PAG1: variants seen among roughly 807,000 people sequenced by gnomAD.
PAG1 encodes the protein phosphoprotein membrane anchor with glycosphingolipid microdomains 1.
A neutral mutation model predicts 31.7 loss-of-function variants in PAG1; 23 were observed. The observed-to-expected ratio is 0.73, with a 90% CI of 0.52 to 1.03. PAG1 has a LOEUF of 1.03. Ranked by LOEUF, PAG1 falls within the 50% of genes least tolerant of loss-of-function variation. The probability of loss-of-function intolerance (pLI) is 0.00; values close to 1 mark genes in which losing one functional copy is unlikely to be tolerated. For missense variants in PAG1, 473 were observed against 540.7 expected (o/e 0.87, Z 1.24); for synonymous variants, 214 against 210.3 (o/e 1.02, Z -0.15).
chr8:81,041,394 T>G (rs1808551663), intron 2 of PAG1, among the ~76,000 whole-genome samples: 1 of 152,184 alleles, frequency 6.6e-6, no homozygotes, highest in South Asian at 2.1e-4. Flanking sequence ...CTTCATGTTA[T>G]TTGAAAGAGA....
intron 2 of PAG1, among the ~76,000 whole-genome samples, chr8:81,039,719 C>T (rs917916604): frequency 6.6e-6 from 1 of 152,150 alleles, no homozygotes; most frequent in Admixed American, 6.5e-5. Context: ...ACTTTACATA[C>T]CTCATATCAA....
Position 80,968,076 on chromosome 8 carries a change from C to T in PAG1, c.*8468G>A, listed in dbSNP as rs1291203001. On this transcript the variant is annotated 3_prime_UTR_variant, in exon 9 of 9. Transcript: ENST00000220597. The stretch of plus-strand genomic sequence containing the variant: ...CCATTACTGGTTGAATGATCAAGAT[C>T]TGGCCACAGAAGAGAAGTGGAAATA... 1 of 152,166 alleles carries T rather than the reference C, an allele frequency of 6.6e-6. No individual in the cohort carries two copies. The highest frequency in any genetic ancestry group is 1.5e-5 in the Non-Finnish European group (1 of 68,024). 9.4% of individuals were successfully genotyped at this position (152,166 alleles called of 1,614,324 possible). A position where few individuals can be genotyped will look rare whatever the true frequency, so the allele number is the denominator to read the frequency against.
At position 81,077,404 on chromosome 8, in the gene PAG1, C is replaced by T. The variant is rs369134676; in HGVS notation, c.-233-7234G>A. 5.9e-5 allele frequency among the ~76,000 whole-genome samples: 9 copies of T among 152,322 alleles called. 2 individuals carry two copies. The highest frequency in any genetic ancestry group is 3.3e-4 in the Admixed American group (5 of 15,298). On this transcript the variant is annotated intron_variant, in intron 1 of 8. Transcript: ENST00000220597. ...CAGGAGTACTCCTCCTTGCATTTCT[C>T]TTCTGTGGGCCTACAGGAACAAAAC...
rs1808295308 is a variant in PAG1, at chr8:81,027,136, A to G, written c.-81+2860T>C. Reference sequence around the variant, plus strand: ...AGAGATCCTCCCACTTCAGCCTCCCAGGTAGCTGGGACTACAGGCATGCAC... The same window carrying G: ...AGAGATCCTCCCACTTCAGCCTCCCGGGTAGCTGGGACTACAGGCATGCAC... On this transcript the variant is annotated intron_variant, in intron 3 of 8. Transcript: ENST00000220597. 2.6e-5 allele frequency among the ~76,000 whole-genome samples: 4 copies of G among 151,934 alleles called. No individual in the cohort carries two copies. The South Asian group carries it at 8.3e-4, about 32-fold the overall frequency.
chr8:81,068,112 G>A (rs1329573672), intron 2 of PAG1, among the ~76,000 whole-genome samples: 1 of 152,162 alleles, frequency 6.6e-6, no homozygotes, highest in Non-Finnish European at 1.5e-5. Flanking sequence ...GGCCAGGCTG[G>A]TCTCGAACTC....
rs1003428871 is a variant in PAG1 at position 80,990,349 on chromosome 8, C to T, written c.177+1130G>A. 1.3e-5 allele frequency among the ~76,000 whole-genome samples: 2 copies of T among 152,102 alleles called. No homozygotes were observed. Among genetic ancestry groups the T allele is most frequent in the Non-Finnish European group, 2.9e-5 (2 of 67,996 alleles). On this transcript the variant is annotated intron_variant, in intron 5 of 8. Transcript: ENST00000220597. This position sits in a 1 kb window ranked among gnomAD's most constrained non-coding sequence, Gnocchi z 5.1. ...CAGGAAGCCTAGACTGGAGATGCCC[C>T]TGGTCATCTCTGCAAACGTCTGCTG...
rs79832265 is a variant in PAG1 at position 80,992,959 on chromosome 8, A to G, written c.125+144T>C. On this transcript the variant is annotated intron_variant, in intron 4 of 8. Coordinates refer to ENST00000220597, the MANE Select transcript of PAG1 (RefSeq NM_018440.4). Reference sequence around the variant, plus strand: ...AATGTCCCGAGACGCTCTGCAGCAGAGAGAAGAGAGTTAAAGCTAATGCAC... The same window carrying G: ...AATGTCCCGAGACGCTCTGCAGCAGGGAGAAGAGAGTTAAAGCTAATGCAC... The G allele has an allele frequency of 3.7e-3, 2,307 of 624,644 alleles. 50 individuals are homozygous for G. The African/African-American group carries it at 0.039, about 11-fold the overall frequency. 38.7% of individuals were successfully genotyped at this position (624,644 alleles called of 1,614,324 possible).
chr8:81,011,833 TC>T (rs1807989866), intron 3 of PAG1, among the ~76,000 whole-genome samples: 2 of 152,250 alleles, frequency 1.3e-5, no homozygotes. Context: ...TTTGCTGACC[TC>T]TGGCTGGCTC....
rs538495307 is a variant in PAG1 at position 80,990,860 on chromosome 8, C to T, written c.177+619G>A. Reference sequence around the variant, plus strand: ...CCCCCAGCACCTGAGAATATGGTCTCATTTGGAAATAGGGTCATTGCAGAC... The same window carrying T: ...CCCCCAGCACCTGAGAATATGGTCTTATTTGGAAATAGGGTCATTGCAGAC... On this transcript the variant is annotated intron_variant, in intron 5 of 8. Transcript: ENST00000220597. The surrounding 1 kb of genome is among the most constrained non-coding windows in gnomAD (Gnocchi z 5.1). Among the ~76,000 whole-genome samples, 39 of 152,298 alleles carry T rather than the reference C, an allele frequency of 2.6e-4. No individual in the cohort carries two copies. Among genetic ancestry groups the T allele is most frequent in the African/African-American group, 8.9e-4 (37 of 41,562 alleles).
intron 3 of PAG1, among the ~76,000 whole-genome samples, chr8:81,024,875 C>A (rs1034042540): frequency 3.3e-5 from 5 of 152,150 alleles, no homozygotes; most frequent in African/African-American, 1.2e-4. Context: ...ACCTTACATT[C>A]TCTGTGCCTC....
chr8:81,025,805 GA>G (rs1291300140), intron 3 of PAG1, among the ~76,000 whole-genome samples: 3 of 152,200 alleles, frequency 2.0e-5, no homozygotes, highest in Non-Finnish European at 2.9e-5. Flanking sequence ...GAAGGACAGG[GA>G]TGACAAATTC....
chr8:81,099,250 T>C (rs906523745), intron 1 of PAG1, among the ~76,000 whole-genome samples: 4 of 152,222 alleles, frequency 2.6e-5, no homozygotes, highest in African/African-American at 9.6e-5. Context: ...CAAACAGGCA[T>C]GTTCTCCAGA....
chr8:81,005,376 A>G (rs1229061734), intron 3 of PAG1, among the ~76,000 whole-genome samples: 2 of 152,200 alleles, frequency 1.3e-5, no homozygotes, highest in Non-Finnish European at 2.9e-5. Flanking sequence ...TAGGGAAGTT[A>G]AAATTAAGTC....
intron 1 of PAG1, among the ~76,000 whole-genome samples, chr8:81,092,179 C>T (rs1809457191): frequency 1.1e-5 from 1 of 91,328 alleles, no homozygotes; most frequent in South Asian, 4.2e-4. Flanking sequence ...ATGGCAAAAC[C>T]ACATCTCTGC....
At chr8:81,009,017 C>G (rs1030862490) in intron 3 of PAG1, among the ~76,000 whole-genome samples, 47 of 152,110 alleles carry the variant, frequency 3.1e-4, no homozygotes, top group Non-Finnish European at 3.5e-4. Flanking sequence ...GGTTTTCTGT[C>G]CTGGTGAAGT....
chr8:81,070,520 A>C (rs1349656854), intron 1 of PAG1, among the ~76,000 whole-genome samples: 2 of 152,206 alleles, frequency 1.3e-5, no homozygotes, highest in African/African-American at 2.4e-5. Context: ...ACCAATGATA[A>C]CAGTAACTAG....
At chr8:81,089,143 T>G (rs1193645911) in intron 1 of PAG1, among the ~76,000 whole-genome samples, 2 of 152,216 alleles carry the variant, frequency 1.3e-5, no homozygotes, top group Non-Finnish European at 2.9e-5. Context: ...GACAAAGGAC[T>G]TAATTATTTA....
intron 1 of PAG1, among the ~76,000 whole-genome samples, chr8:81,089,185 C>T (rs962328328): frequency 6.6e-6 from 1 of 152,172 alleles, no homozygotes; most frequent in African/African-American, 2.4e-5. Context: ...GTTTCATGTT[C>T]AGTCACTTCT....
At chr8:81,074,430 G>A (rs1809145406) in intron 1 of PAG1, among the ~76,000 whole-genome samples, 1 of 152,240 alleles carries the variant, frequency 6.6e-6, no homozygotes. Flanking sequence ...AACTGGAGGG[G>A]GTGACAGACA....
Sources: gnomAD v4.1 joint callset for allele counts (sites outside exome capture counted in the v4.1 genomes callset) on GRCh38, gnomAD v4.1.1 for gene constraint, Gnocchi (gnomAD v3.1) non-coding constraint, MANE v1.5 for transcripts, NCBI Gene and HGNC (gene_info 2026-07-23, HGNC 2026-07-21) for gene names.